LHFPL1: variants seen among roughly 807,000 people sequenced by gnomAD.
LHFPL1 encodes LHFPL tetraspan subfamily member 1.
Under a neutral mutation model 12.1 loss-of-function variants are expected in LHFPL1, and 4 were observed. The ratio of observed to expected loss-of-function variants is 0.33; its 90% CI spans 0.16 to 0.76. The LOEUF is 0.76. LHFPL1 is among the 30% of genes least tolerant of loss of function. The probability of loss-of-function intolerance (pLI) is 0.61; values close to 1 mark genes in which losing one functional copy is unlikely to be tolerated. For synonymous variants in LHFPL1, 52 were observed against 61.9 expected, an observed-to-expected ratio of 0.84 and a Z score of 0.75; for missense variants, 141 against 174.1, an observed-to-expected ratio of 0.81 and a Z score of 1.07.
At chrX:112,651,995 A>G (rs1331314820) in intron 3 of LHFPL1, among the ~76,000 whole-genome samples, 1 of 113,010 alleles carries the variant, frequency 8.8e-6, no homozygotes, top group Non-Finnish European at 1.9e-5. Context: ...GCCTTAGAGT[A>G]GTACCCAAAT....
chrX:112,651,617 A>C (rs1930854328), intron 3 of LHFPL1, among the ~76,000 whole-genome samples: 1 of 111,504 alleles, frequency 9.0e-6, no homozygotes. Context: ...TCTCTTCCAT[A>C]CCCATATCAA....
intron 1 of LHFPL1, among the ~76,000 whole-genome samples, chrX:112,673,547 A>G (rs952537123): frequency 4.5e-5 from 5 of 111,793 alleles, no homozygotes; most frequent in Non-Finnish European, 9.4e-5. Flanking sequence ...AGAGGAGGAG[A>G]GGAAACAAGC....
chrX:112,653,133 G>C (rs935786816), intron 3 of LHFPL1, among the ~76,000 whole-genome samples: 1 of 111,802 alleles, frequency 8.9e-6, no homozygotes, highest in African/African-American at 3.2e-5. Flanking sequence ...GGATGTTCAT[G>C]GTATTACTTC....
chrX:112,646,709 T>C (rs1175451073), intron 3 of LHFPL1, among the ~76,000 whole-genome samples: 1 of 110,505 alleles, frequency 9.0e-6, no homozygotes, highest in Admixed American at 9.7e-5. Context: ...TTTAATCTGA[T>C]TATACTAAAA....
chrX:112,654,510 A>G (rs1930941496), intron 3 of LHFPL1, among the ~76,000 whole-genome samples: 1 of 111,280 alleles, frequency 9.0e-6, no homozygotes, highest in African/African-American at 3.3e-5. Flanking sequence ...AGAGCTAGAT[A>G]ATATGATCCC....
intron 3 of LHFPL1, among the ~76,000 whole-genome samples, chrX:112,654,612 TA>T (rs1298452386): frequency 9.1e-6 from 1 of 110,205 alleles, no homozygotes; most frequent in Non-Finnish European, 1.9e-5. Flanking sequence ...TTATATTTAT[TA>T]AAAATTCTGG....
intron 1 of LHFPL1, among the ~76,000 whole-genome samples, chrX:112,672,569 A>G (rs911220981): frequency 2.7e-5 from 3 of 111,768 alleles, no homozygotes. Flanking sequence ...TCCATGATTC[A>G]CCACCATTAC....
intron 3 of LHFPL1, among the ~76,000 whole-genome samples, chrX:112,633,649 T>C (rs1458264598): frequency 9.0e-6 from 1 of 111,440 alleles, no homozygotes; most frequent in Non-Finnish European, 1.9e-5. Context: ...GTGTCAAGTG[T>C]TACAGTCCTT....
Position 112,671,403 on chromosome X carries a change from C to A in LHFPL1, c.-13G>T. On this transcript the variant is annotated splice_region_variant and 5_prime_UTR_variant, in exon 2 of 4. Coordinates refer to ENST00000371968, the MANE Select transcript of LHFPL1 (RefSeq NM_178175.4). ...GGCTGCTCCTCATGGTCACAGGTTTCTCTGCAGGGATGGGGAGATGAGTTG... is the reference window on the plus strand; with the variant it reads ...GGCTGCTCCTCATGGTCACAGGTTTATCTGCAGGGATGGGGAGATGAGTTG... 1.7e-6 allele frequency: 2 copies of A among 1,211,713 alleles called. No homozygotes were observed. The highest frequency in any genetic ancestry group is 2.2e-6 in the Non-Finnish European group (2 of 895,576).
At chrX:112,659,285 C>A (rs926540346) in intron 3 of LHFPL1, among the ~76,000 whole-genome samples, 1 of 111,325 alleles carries the variant, frequency 9.0e-6, no homozygotes, top group African/African-American at 3.3e-5. Context: ...CTCCTCCACA[C>A]CCTGTCTCTA....
At chrX:112,661,251 C>T (rs1931178392) in intron 2 of LHFPL1, among the ~76,000 whole-genome samples, 1 of 111,213 alleles carries the variant, frequency 9.0e-6, no homozygotes, top group East Asian at 2.8e-4. Flanking sequence ...AGCAGTCCTC[C>T]CCTCTTTGGT....
rs1384044651 is a variant in LHFPL1 at position 112,671,393 on chromosome X, T to A, written c.-3A>T. 34 of 1,210,130 alleles carry A rather than the reference T, an allele frequency of 2.8e-5. No homozygotes were observed. The highest frequency in any genetic ancestry group is 5.2e-5 in the African/African-American group (3 of 57,193). On this transcript the variant is annotated 5_prime_UTR_variant, in exon 2 of 4. Transcript: ENST00000371968. ...ACCATGGTCAGGCTGCTCCTCATGG[T>A]CACAGGTTTCTCTGCAGGGATGGGG...
intron 1 of LHFPL1, among the ~76,000 whole-genome samples, chrX:112,674,354 G>GA (rs1255660489): frequency 1.8e-5 from 2 of 111,302 alleles, no homozygotes; most frequent in Non-Finnish European, 3.8e-5. Flanking sequence ...AGATAACATT[G>GA]AAAAAACCCT....
At chrX:112,654,481 A>C (rs1456919733) in intron 3 of LHFPL1, among the ~76,000 whole-genome samples, 1 of 111,453 alleles carries the variant, frequency 9.0e-6, no homozygotes, top group African/African-American at 3.3e-5. Flanking sequence ...GGTGCAGAAC[A>C]GTGTAGCTAG....
rs1457738261 is a variant in LHFPL1, at chrX:112,641,156, A to G, written c.482-9555T>C. Among the ~76,000 whole-genome samples the G allele has an allele frequency of 6.3e-5, 7 of 111,933 alleles. No individual in the cohort carries two copies. The East Asian group carries it at 1.7e-3, about 27-fold the overall frequency. ...ATCCATGCTTTATCAGCCAACGGATATACACCACAGAGACTTTTCCAGGTC... is the reference window on the plus strand; with the variant it reads ...ATCCATGCTTTATCAGCCAACGGATGTACACCACAGAGACTTTTCCAGGTC... On this transcript the variant is annotated intron_variant, in intron 3 of 3. Coordinates refer to ENST00000371968, the MANE Select transcript of LHFPL1 (RefSeq NM_178175.4).
At chrX:112,673,627 G>A (rs73536911) in intron 1 of LHFPL1, among the ~76,000 whole-genome samples, 12,163 of 110,916 alleles carry the variant, frequency 0.11, 676 homozygotes, top group African/African-American at 0.21. Context: ...TCTGCCCAAC[G>A]GTCTTCTTAG....
chrX:112,672,306 T>A (rs184827972), intron 1 of LHFPL1, among the ~76,000 whole-genome samples: 1 of 111,927 alleles, frequency 8.9e-6, no homozygotes, highest in East Asian at 2.8e-4. Flanking sequence ...CCTTTCAAGG[T>A]CCCTTTTGGA....
intron 3 of LHFPL1, among the ~76,000 whole-genome samples, chrX:112,637,017 G>A (rs1279295840): frequency 1.8e-5 from 2 of 111,611 alleles, no homozygotes; most frequent in Non-Finnish European, 3.8e-5. Context: ...GGTTCTAACT[G>A]CAAATGAGCT....
At chrX:112,631,639 C>T in intron 3 of LHFPL1, 38 bp from the exon 4 acceptor site, 23 of 1,016,580 alleles carry the variant, frequency 2.3e-5, no homozygotes, top group Non-Finnish European at 3.1e-5. Flanking sequence ...ATTGGGTTGT[C>T]TTTTCATATT....
Sources: gnomAD v4.1 joint callset for allele counts (sites outside exome capture counted in the v4.1 genomes callset) on GRCh38, gnomAD v4.1.1 for gene constraint, MANE v1.5 for transcripts, NCBI Gene and HGNC (gene_info 2026-07-23, HGNC 2026-07-21) for gene names.